TEX9: variants seen among roughly 807,000 people sequenced by gnomAD.
TEX9 encodes testis expressed 9.
Under a neutral mutation model 59.6 loss-of-function variants are expected in TEX9, and 74 were observed. That is an observed-to-expected ratio of 1.24 (90% CI 1.03 to 1.51). The LOEUF (loss-of-function observed/expected upper bound fraction) is 1.51, where lower values mean the gene tolerates loss of function less well. Ranked by LOEUF, TEX9 falls within the 40% of genes most tolerant of loss-of-function variation. TEX9 has a pLI of 0.00. For synonymous variants in TEX9, 186 were observed against 152.2 expected (o/e 1.22, Z -1.64); for missense variants, 522 against 447.8 (o/e 1.17, Z -1.49).
intron 12 of TEX9, among the ~76,000 whole-genome samples, chr15:56,432,333 G>C (rs1393877552): frequency 2.6e-5 from 4 of 152,198 alleles, no homozygotes; most frequent in African/African-American, 9.6e-5. Flanking sequence ...ATTCTGAATA[G>C]CTTTGGTGTA....
chr15:56,362,917 A>G (rs777555829), upstream of TEX9, among the ~76,000 whole-genome samples: 1 of 152,246 alleles, frequency 6.6e-6, no homozygotes, highest in African/African-American at 2.4e-5. Flanking sequence ...ATTGTGGTAT[A>G]CATGTACTTC....
At chr15:56,415,127 G>A (rs1409508072) in intron 10 of TEX9, among the ~76,000 whole-genome samples, 1 of 151,534 alleles carries the variant, frequency 6.6e-6, no homozygotes, top group Admixed American at 6.6e-5. Context: ...TATAGAAGCT[G>A]GATATCAGAC....
chr15:56,266,074 A>G (rs1329943258), intron 1 of TEX9, among the ~76,000 whole-genome samples: 1 of 151,666 alleles, frequency 6.6e-6, no homozygotes, highest in Non-Finnish European at 1.5e-5. Context: ...ATGTGTGATT[A>G]TTATGCATTT....
intron 9 of TEX9, among the ~76,000 whole-genome samples, chr15:56,411,389 G>GGT (rs58211066): frequency 0.059 from 8,970 of 152,162 alleles, 666 homozygotes; most frequent in East Asian, 0.37. Context: ...TGTCTCTCAA[G>GGT]GTGCTATACA....
At chr15:56,438,478 T>C (rs1391358472) in intron 12 of TEX9, among the ~76,000 whole-genome samples, 1 of 152,076 alleles carries the variant, frequency 6.6e-6, no homozygotes, top group Non-Finnish European at 1.5e-5. Flanking sequence ...CCTTACACCT[T>C]ATACAAAAAT....
the TEX9 span, among the ~76,000 whole-genome samples, chr15:56,460,009 A>AAAAATATATATATATATATATATATATAT: frequency 1.9e-4 from 5 of 26,386 alleles, 1 homozygote; most frequent in African/African-American, 4.5e-4. Flanking sequence ...AAAAAAAAAA[A>AAAAATATATATATATATATATATATATAT]ATACATATAT....
chr15:56,384,841 A>G (rs750625566), intron 4 of TEX9, among the ~76,000 whole-genome samples: 12 of 152,164 alleles, frequency 7.9e-5, no homozygotes, highest in Non-Finnish European at 1.3e-4. Context: ...CTGAAACACA[A>G]TATCAACAGT....
the TEX9 span, chr15:56,456,340 A>G: frequency 5.0e-5 from 77 of 1,529,752 alleles, no homozygotes; most frequent in African/African-American, 9.3e-4. Flanking sequence ...TAAGGATTAC[A>G]TAAGAGTTTA....
Position 56,285,142 on chromosome 15 carries a change from T to C in TEX9, c.-107+40864T>C, listed in dbSNP as rs963835728. 3.9e-5 allele frequency among the ~76,000 whole-genome samples: 6 copies of C among 152,212 alleles called. No individual in the cohort carries two copies. The East Asian group carries it at 5.8e-4, about 15-fold the overall frequency. ...CACCTTCTATGAGATTACTTTCCTT[T>C]GCCTGCAGTACATCCTCTAGAATTT... On this transcript the variant is annotated intron_variant, in intron 1 of 5. Transcript: ENST00000560827.
intron 1 of TEX9, among the ~76,000 whole-genome samples, chr15:56,256,429 A>G (rs1296036178): frequency 6.6e-6 from 1 of 152,100 alleles, no homozygotes; most frequent in Admixed American, 6.6e-5. Context: ...GCAGCCAGGT[A>G]TGCGTGTTTT....
intron 11 of TEX9, among the ~76,000 whole-genome samples, chr15:56,428,059 C>T (rs923671476): frequency 7.2e-5 from 11 of 152,096 alleles, no homozygotes; most frequent in Middle Eastern, 3.4e-3. Flanking sequence ...AACCTTAGAG[C>T]GAACATCACT....
chr15:56,388,751 T>G (rs1213406469), intron 5 of TEX9, among the ~76,000 whole-genome samples: 2 of 152,010 alleles, frequency 1.3e-5, no homozygotes, highest in Non-Finnish European at 1.5e-5. Context: ...AAATGTTAGG[T>G]GAAATGACTT....
intron 5 of TEX9, 149 bp downstream of exon 5, chr15:56,388,669 G>C: frequency 1.8e-6 from 1 of 568,704 alleles, no homozygotes. Context: ...TTTGTGAAGT[G>C]TCCCTCATAA....
chr15:56,272,275 A>G (rs73411553), intron 1 of TEX9, among the ~76,000 whole-genome samples: 5,428 of 152,216 alleles, frequency 0.036, 346 homozygotes, highest in African/African-American at 0.12. Context: ...GTTAATTCCA[A>G]TTCTCCCCTT....
chr15:56,438,801 TCAAA>T (rs1236169190), intron 12 of TEX9, among the ~76,000 whole-genome samples: 9 of 151,518 alleles, frequency 5.9e-5, no homozygotes, highest in Non-Finnish European at 8.9e-5. Context: ...CAAGAAAAAA[TCAAA>T]CAACCCCATC....
chr15:56,314,708 T>A (rs1241850208), intron 1 of TEX9, among the ~76,000 whole-genome samples: 3 of 152,076 alleles, frequency 2.0e-5, no homozygotes, highest in African/African-American at 7.2e-5. Context: ...GTATCCTTGT[T>A]GACTTTCTGT....
intron 2 of TEX9, among the ~76,000 whole-genome samples, chr15:56,369,232 C>G (rs1209506316): frequency 1.3e-5 from 2 of 152,038 alleles, no homozygotes; most frequent in Admixed American, 6.5e-5. Context: ...GCTCTGATGT[C>G]CAGGCTGGAG....
intron 1 of TEX9, among the ~76,000 whole-genome samples, chr15:56,318,022 C>G (rs1204956894): frequency 6.6e-6 from 1 of 152,062 alleles, no homozygotes; most frequent in African/African-American, 2.4e-5. Context: ...TTTTTCAAAT[C>G]TTCTGCTTTC....
In TEX9 at chr15:56,342,974, A is replaced by G. The variant is rs180960614; in HGVS notation, c.-106-30467A>G. On this transcript the variant is annotated intron_variant, in intron 1 of 5. Coordinates refer to the TEX9 transcript ENST00000560827. ...AATCTTTTCCTAAGGGCAACAATTT[A>G]TCTTGCAAGGCTTCAGATGCTGTAT... Among the ~76,000 whole-genome samples the G allele has an allele frequency of 8.5e-5, 13 of 152,338 alleles. No homozygotes were observed. In the East Asian group the frequency reaches 2.5e-3, roughly 29 times the overall value.
Sources: allele counts gnomAD v4.1 joint callset (sites outside exome capture counted in the v4.1 genomes callset), GRCh38; gene constraint gnomAD v4.1.1; transcripts MANE v1.5; gene names NCBI Gene and HGNC (gene_info 2026-07-23, HGNC 2026-07-21).